The following MALRD1 variants were observed in gnomAD, a reference collection of about 807,000 sequenced individuals.
MALRD1 encodes MAM and LDL-receptor class A domain-containing protein 1.
A neutral mutation model predicts 242.1 loss-of-function variants in MALRD1; 247 were observed. The observed-to-expected ratio is 1.02, with a 90% CI of 0.92 to 1.13. The LOEUF is 1.13. Among genes scored for constraint, MALRD1 ranks in the 50% most tolerant of loss-of-function variants. The pLI, the probability that MALRD1 is intolerant of heterozygous loss-of-function variation, is 0.00. For missense variants in MALRD1, 2,989 were observed against 2,533.1 expected, an observed-to-expected ratio of 1.18 and a Z score of -3.86; for synonymous variants, 995 against 866.6, an observed-to-expected ratio of 1.15 and a Z score of -2.60.
At chr10:19,145,349 G>A (rs1376425071) in intron 10 of MALRD1, among the ~76,000 whole-genome samples, 1 of 152,062 alleles carries the variant, frequency 6.6e-6, no homozygotes, top group Non-Finnish European at 1.5e-5. Flanking sequence ...TGTATTAAGA[G>A]AAGACAGGCT....
chr10:19,278,170 T>C (rs887272053), intron 19 of MALRD1, among the ~76,000 whole-genome samples: 3 of 152,264 alleles, frequency 2.0e-5, no homozygotes, highest in African/African-American at 7.2e-5. Context: ...GATATTATCA[T>C]GTTAAATTCT....
intron 28 of MALRD1, among the ~76,000 whole-genome samples, chr10:19,407,302 A>G (rs1446916096): frequency 6.6e-6 from 1 of 152,014 alleles, no homozygotes; most frequent in Non-Finnish European, 1.5e-5. Context: ...AGACCCTATC[A>G]CTACAAAAAA....
At chr10:19,526,471 G>C (rs1401581773) in intron 31 of MALRD1, among the ~76,000 whole-genome samples, 1 of 151,788 alleles carries the variant, frequency 6.6e-6, no homozygotes, top group Non-Finnish European at 1.5e-5. Context: ...GATTAAATTT[G>C]CAATGGTGTC....
intron 36 of MALRD1, among the ~76,000 whole-genome samples, chr10:19,635,664 G>GA (rs1684899039): frequency 6.6e-6 from 1 of 152,110 alleles, no homozygotes; most frequent in African/African-American, 2.4e-5. Context: ...AGGATTTCTA[G>GA]AAGTCTTAGC....
chr10:19,659,394 C>T (rs1841317682), intron 36 of MALRD1, among the ~76,000 whole-genome samples: 2 of 152,080 alleles, frequency 1.3e-5, no homozygotes, highest in South Asian at 4.1e-4. Context: ...GGGATTAAAT[C>T]ATTGTCTTTA....
chr10:19,297,455 G>A (rs1255411228), intron 21 of MALRD1, among the ~76,000 whole-genome samples: 1 of 151,888 alleles, frequency 6.6e-6, no homozygotes, highest in East Asian at 1.9e-4. Flanking sequence ...GGTAAGAGTA[G>A]TGCAGTTTGT....
chr10:19,166,525 G>T (rs1834693074), intron 13 of MALRD1, among the ~76,000 whole-genome samples: 1 of 152,082 alleles, frequency 6.6e-6, no homozygotes, highest in Non-Finnish European at 1.5e-5. Context: ...AGCACAGTAG[G>T]GCAATTATAA....
chr10:19,120,580 C>A (rs747369372), intron 5 of MALRD1, among the ~76,000 whole-genome samples: 3 of 152,062 alleles, frequency 2.0e-5, no homozygotes, highest in Non-Finnish European at 4.4e-5. Context: ...GCAGAGTCGG[C>A]AAATCCATAG....
At chr10:19,333,862 C>T (rs185271997) in intron 24 of MALRD1, among the ~76,000 whole-genome samples, 48 of 152,138 alleles carry the variant, frequency 3.2e-4, no homozygotes, top group Non-Finnish European at 2.9e-5. Context: ...GATGGTATCT[C>T]ACTGTGGTTT....
At position 19,238,549 on chromosome 10, in the gene MALRD1, A is replaced by T. The variant is rs1490316500; in HGVS notation, c.2992-19135A>T. 2.3e-4 allele frequency among the ~76,000 whole-genome samples: 27 copies of T among 114,948 alleles called. 2 individuals are homozygous for T. Among genetic ancestry groups the T allele is most frequent in the African/African-American group, 6.0e-4 (18 of 29,788 alleles). 75.4% of individuals were successfully genotyped at this position (114,948 alleles called of 152,430 possible). A position where few individuals can be genotyped will look rare whatever the true frequency, so the allele number is the denominator to read the frequency against. On this transcript the variant is annotated intron_variant, in intron 18 of 39. Transcript: ENST00000454679. ...ATAATATACATTATATATAATATAT[A>T]ATGTATATTATATATAATATACATA... is the stretch of plus-strand genomic sequence containing the variant.
At chr10:19,576,674 A>G (rs368852515) in intron 33 of MALRD1, among the ~76,000 whole-genome samples, 1 of 152,130 alleles carries the variant, frequency 6.6e-6, no homozygotes, top group Non-Finnish European at 1.5e-5. Context: ...TTCTCAAGTC[A>G]TTACCCTTAT....
chr10:19,672,328 T>C (rs2131765812), intron 36 of MALRD1, among the ~76,000 whole-genome samples: 1 of 152,106 alleles, frequency 6.6e-6, no homozygotes. Flanking sequence ...TATAGGAGAT[T>C]ATCTACTGCA....
intron 33 of MALRD1, among the ~76,000 whole-genome samples, chr10:19,586,983 G>A (rs924336445): frequency 1.3e-5 from 2 of 152,206 alleles, no homozygotes; most frequent in Non-Finnish European, 2.9e-5. Context: ...GGAGTGACCC[G>A]ATTTTCCAGG....
chr10:19,259,391 G>A (rs1052899276), intron 19 of MALRD1, among the ~76,000 whole-genome samples: 3 of 152,092 alleles, frequency 2.0e-5, no homozygotes, highest in African/African-American at 7.2e-5. Context: ...TATAAAGAAA[G>A]GTGATTTAAC....
At chr10:19,486,560 A>G (rs959254423) in intron 29 of MALRD1, among the ~76,000 whole-genome samples, 4 of 152,174 alleles carry the variant, frequency 2.6e-5, no homozygotes, top group African/African-American at 4.8e-5. Context: ...TGTCAACTAA[A>G]TACCATGGTC....
chr10:19,594,190 C>T (rs114862858), intron 33 of MALRD1, among the ~76,000 whole-genome samples: 2,760 of 152,250 alleles, frequency 0.018, 86 homozygotes, highest in African/African-American at 0.063. Context: ...TCTTTTCACT[C>T]GAGCACAATC....
At chr10:19,396,353 G>A (rs1433869033) in intron 28 of MALRD1, among the ~76,000 whole-genome samples, 1 of 151,764 alleles carries the variant, frequency 6.6e-6, no homozygotes, top group Non-Finnish European at 1.5e-5. Context: ...GCTCAGGCTG[G>A]TGTTGAACTC....
At chr10:19,234,961 C>T (rs1283284351) in intron 18 of MALRD1, among the ~76,000 whole-genome samples, 1 of 152,112 alleles carries the variant, frequency 6.6e-6, no homozygotes, top group Non-Finnish European at 1.5e-5. Flanking sequence ...GAGGTCTCTG[C>T]AAATCTACAT....
At chr10:19,322,347 G>A (rs989515243) in intron 21 of MALRD1, among the ~76,000 whole-genome samples, 2 of 152,048 alleles carry the variant, frequency 1.3e-5, no homozygotes, top group African/African-American at 4.8e-5. Context: ...TGATAATTCT[G>A]CGTCTTAAAA....
Sources: allele counts gnomAD v4.1 joint callset (sites outside exome capture counted in the v4.1 genomes callset), GRCh38; gene constraint gnomAD v4.1.1; transcripts MANE v1.5; gene names NCBI Gene and HGNC (gene_info 2026-07-23, HGNC 2026-07-21).